AP4E1: variants seen among roughly 807,000 people sequenced by gnomAD.
AP4E1 encodes AP-4 complex subunit epsilon-1.
In AP4E1, 56 loss-of-function variants were observed where a neutral mutation model predicts 128.2. That is an observed-to-expected ratio of 0.44 (90% CI 0.35 to 0.55). The LOEUF (loss-of-function observed/expected upper bound fraction) is 0.55, where lower values mean the gene tolerates loss of function less well. AP4E1 is among the 20% of genes least tolerant of loss of function. AP4E1 has a pLI of 0.00. For synonymous variants in AP4E1, 484 were observed against 473.1 expected (o/e 1.02, Z -0.30); for missense variants, 1,324 against 1,307.7 (o/e 1.01, Z -0.19).
intron 13 of AP4E1, among the ~76,000 whole-genome samples, chr15:50,955,736 A>G (rs1296417042): frequency 6.6e-6 from 1 of 152,166 alleles, no homozygotes; most frequent in Non-Finnish European, 1.5e-5. Context: ...CTCCACTGAC[A>G]CTGCAGGGGA....
intron 16 of AP4E1, among the ~76,000 whole-genome samples, chr15:50,987,468 C>T (rs985648854): frequency 3.0e-4 from 46 of 152,196 alleles, no homozygotes; most frequent in Non-Finnish European, 5.7e-4. Context: ...CTACACACTA[C>T]TTTAAATGTG....
chr15:50,950,190 C>A (rs1235129464), intron 13 of AP4E1, 21 bp downstream of exon 13: 1 of 1,475,936 alleles, frequency 6.8e-7, no homozygotes, highest in Non-Finnish European at 9.4e-7. Context: ...TACCTTAAAT[C>A]ATAAATTTTT....
upstream of AP4E1, chr15:50,908,583 C>T (rs2063524273): frequency 1.6e-6 from 1 of 632,824 alleles, no homozygotes; most frequent in Non-Finnish European, 2.4e-6. Flanking sequence ...GCCTTTTCCA[C>T]CCCCGCGGTC....
intron 16 of AP4E1, among the ~76,000 whole-genome samples, chr15:50,990,206 C>T (rs532303302): frequency 1.8e-4 from 28 of 151,850 alleles, no homozygotes; most frequent in Non-Finnish European, 2.9e-4. Flanking sequence ...ATAGTATTGT[C>T]AAAATCCGGG....
intron 16 of AP4E1, among the ~76,000 whole-genome samples, chr15:50,989,275 A>G (rs1344044040): frequency 2.6e-5 from 4 of 152,224 alleles, no homozygotes; most frequent in Non-Finnish European, 5.9e-5. Flanking sequence ...TAAAATCTCA[A>G]AAGTGACAAC....
In AP4E1 at chr15:50,993,378, G is replaced by A; in HGVS notation, c.2099G>A (p.Ser700Asn). 6.2e-7 allele frequency: 1 copy of A among 1,613,884 alleles called. No homozygotes were observed. The highest frequency in any genetic ancestry group is 8.5e-7 in the Non-Finnish European group (1 of 1,179,912). ...ATTATCAACCTCCTTAGGACAAATA[G>A]CTTGAAGCTGGAAGGTATAAAGAAA... ...SAETGLKETN[S>N]LKLEGIKKLW... is the part of the protein sequence containing the mutation. Residue 700 changes from serine (S) to asparagine (N), a missense_variant, in exon 17 of 21, where the codon AGC (serine) becomes AAC (asparagine). Physicochemically the swap from Ser to Asn is conservative, Grantham distance 46. Coordinates refer to ENST00000261842, the MANE Select transcript of AP4E1 (RefSeq NM_007347.5).
intron 15 of AP4E1, among the ~76,000 whole-genome samples, chr15:50,978,596 C>A (rs1199838233): frequency 6.6e-6 from 1 of 152,118 alleles, no homozygotes; most frequent in African/African-American, 2.4e-5. Context: ...ATAGTTTATA[C>A]TTTATTATGT....
At chr15:50,962,918 C>CAAAAAAAAAAA (rs2064336432) in intron 14 of AP4E1, among the ~76,000 whole-genome samples, 1 of 80,690 alleles carries the variant, frequency 1.2e-5, no homozygotes, top group African/African-American at 7.8e-5. Context: ...AAAAAAAAAT[C>CAAAAAAAAAAA]CCATTTAAAG....
intron 13 of AP4E1, among the ~76,000 whole-genome samples, chr15:50,953,720 T>C (rs1256651261): frequency 6.6e-6 from 1 of 152,160 alleles, no homozygotes; most frequent in Non-Finnish European, 1.5e-5. Flanking sequence ...GCTATAAAAA[T>C]GGTTCCTTTA....
chr15:50,970,758 G>A (rs956792059), intron 15 of AP4E1, among the ~76,000 whole-genome samples: 1 of 152,136 alleles, frequency 6.6e-6, no homozygotes, highest in Non-Finnish European at 1.5e-5. Flanking sequence ...CTTTAGAGGT[G>A]AGGTGAGTTT....
chr15:50,987,686 G>C (rs1227960914), intron 16 of AP4E1, among the ~76,000 whole-genome samples: 4 of 152,130 alleles, frequency 2.6e-5, no homozygotes, highest in African/African-American at 9.7e-5. Context: ...TATAATTTCT[G>C]TTTTTACATT....
In AP4E1 at chr15:51,003,204, A is replaced by G. The variant is rs1041646256; in HGVS notation, c.*542A>G. 6 of 154,510 alleles carry G rather than the reference A, an allele frequency of 3.9e-5. No individual in the cohort carries two copies. Among genetic ancestry groups the G allele is most frequent in the Non-Finnish European group, 8.7e-5 (6 of 69,322 alleles). The allele number at this position is 154,510 out of a possible 1,614,324, so 9.6% of individuals were successfully genotyped here. ...ACACACTAACAGTTGTAGGAGATCC[A>G]TGAGCATGCTGGATATTGAGGGGAT... On this transcript the variant is annotated 3_prime_UTR_variant, in exon 21 of 21. Coordinates refer to ENST00000261842, the MANE Select transcript of AP4E1 (RefSeq NM_007347.5).
chr15:50,936,285 G>A (rs1423456913), intron 8 of AP4E1, among the ~76,000 whole-genome samples: 4 of 151,908 alleles, frequency 2.6e-5, no homozygotes, highest in Non-Finnish European at 4.4e-5. Flanking sequence ...TTTTGTTTGC[G>A]ATGTAACCAG....
rs116468310 is a variant in AP4E1 at position 50,946,896 on chromosome 15, C to T, written c.1177-1124C>T. Among the ~76,000 whole-genome samples, 695 of 152,266 alleles carry T rather than the reference C, an allele frequency of 4.6e-3. 4 individuals carry two copies. Among genetic ancestry groups the T allele is most frequent in the African/African-American group, 0.016 (647 of 41,536 alleles). ...TTAGAAAGTAGCTGTAGCAGCTGTG[C>T]GCTGTGGCTCACACCTGTAATCCCA... On this transcript the variant is annotated intron_variant, in intron 10 of 20. Transcript: ENST00000261842.
intron 13 of AP4E1, among the ~76,000 whole-genome samples, chr15:50,950,914 T>C (rs2064139818): frequency 6.6e-6 from 1 of 152,212 alleles, no homozygotes; most frequent in African/African-American, 2.4e-5. Flanking sequence ...AATAATGGCT[T>C]CCAGCTTCAT....
chr15:50,948,169 T>A lies in AP4E1; in HGVS notation c.1316+10T>A. The stretch of plus-strand genomic sequence containing the variant: ...CAGAGCTGGCTGAGAAATATCCTTT[T>A]ATTTCGACCATGAGTCTTAAAATAG... On this transcript the variant is annotated intron_variant, in intron 11 of 20. Coordinates refer to ENST00000261842, the MANE Select transcript of AP4E1 (RefSeq NM_007347.5). The A allele has an allele frequency of 1.2e-6, 2 of 1,613,678 alleles. No individual in the cohort carries two copies. The highest frequency in any genetic ancestry group is 1.7e-6 in the Non-Finnish European group (2 of 1,179,840).
chr15:50,910,269 C>T (rs1030979849), intron 1 of AP4E1, among the ~76,000 whole-genome samples: 2 of 152,216 alleles, frequency 1.3e-5, no homozygotes, highest in African/African-American at 2.4e-5. Context: ...AGGCATGAGC[C>T]ACCGCGCCGG....
rs1427374042 is a variant in AP4E1 at position 51,005,214 on chromosome 15, C to G, written c.*2552C>G. On this transcript the variant is annotated 3_prime_UTR_variant, in exon 21 of 21. Transcript: ENST00000261842. ...TTATTTTTGTGGGTAGATTCATTCT[C>G]TTTACCTAATAGTCATAATTTAGTC... 2 of 152,222 alleles carry G rather than the reference C, an allele frequency of 1.3e-5. No individual in the cohort carries two copies. Among genetic ancestry groups the G allele is most frequent in the African/African-American group, 4.8e-5 (2 of 41,450 alleles). 9.4% of individuals were successfully genotyped at this position (152,222 alleles called of 1,614,324 possible).
chr15:50,961,761 G>A (rs781680224), intron 14 of AP4E1, among the ~76,000 whole-genome samples: 4 of 151,638 alleles, frequency 2.6e-5, no homozygotes, highest in Admixed American at 6.6e-5. Flanking sequence ...TAGAGCAATC[G>A]GGCAAAAGAA....
Sources: allele counts gnomAD v4.1 joint callset (sites outside exome capture counted in the v4.1 genomes callset), GRCh38; gene constraint gnomAD v4.1.1; transcripts MANE v1.5; gene names NCBI Gene and HGNC (gene_info 2026-07-23, HGNC 2026-07-21).